Variants in VHL observed in about 807,000 individuals in gnomAD.
VHL encodes the protein von Hippel-Lindau disease tumor suppressor.
Under a neutral mutation model 19.2 loss-of-function variants are expected in VHL, and 10 were observed. That is an observed-to-expected ratio of 0.52 (90% confidence interval 0.32 to 0.89). The LOEUF (loss-of-function observed/expected upper bound fraction) is 0.89. VHL is among the 40% of genes least tolerant of loss of function. VHL has a pLI of 0.03. For synonymous variants in VHL, 167 were observed against 129.5 expected (o/e 1.29, Z -1.97); for missense variants, 328 against 292.7 (o/e 1.12, Z -0.88).
In VHL at chr3:10,141,790, C is replaced by CGCGTCCGACCCGCGGATCCCGCG. The variant is rs1298211819; in HGVS notation, c.-50_-28dup. ...CGGGAGCGCGCACGCAGCTCCGCCC[C>CGCGTCCGACCCGCGGATCCCGCG]GCGTCCGACCCGCGGATCCCGCGGC... On this transcript the variant is annotated 5_prime_UTR_variant, in exon 1 of 3. Transcript: ENST00000256474. The CGCGTCCGACCCGCGGATCCCGCG allele has an allele frequency of 3.3e-6, 5 of 1,528,032 alleles. No individual in the cohort carries two copies. Among genetic ancestry groups the CGCGTCCGACCCGCGGATCCCGCG allele is most frequent in the East Asian group, 4.9e-5 (2 of 40,496 alleles). 94.7% of individuals were successfully genotyped at this position (1,528,032 alleles called of 1,614,324 possible).
chr3:10,146,166 T>C (rs1696249497), intron 1 of VHL, among the ~76,000 whole-genome samples: 2 of 149,402 alleles, frequency 1.3e-5, no homozygotes, highest in East Asian at 2.0e-4. Context: ...CTCAGACCAG[T>C]CTGGCTCTTT....
Position 10,150,494 on chromosome 3 carries a change from A to G in VHL, c.*529A>G, listed in dbSNP as rs559209488. ...CAGTCAGGGTTTGTCAGAGGAACAA[A>G]CCAGGGGACACTTTGTTAGAAAGTG... On this transcript the variant is annotated 3_prime_UTR_variant, in exon 3 of 3. Coordinates refer to ENST00000256474, the MANE Select transcript of VHL (RefSeq NM_000551.4). 13 of 450,004 alleles carry G rather than the reference A, an allele frequency of 2.9e-5. No homozygotes were observed. Among genetic ancestry groups the G allele is most frequent in the African/African-American group, 2.4e-4 (12 of 49,498 alleles). The allele number at this position is 450,004 out of a possible 1,614,324, so 27.9% of individuals were successfully genotyped here. A position where few individuals can be genotyped will look rare whatever the true frequency, so the allele number is the denominator to read the frequency against.
intron 1 of VHL, among the ~76,000 whole-genome samples, chr3:10,145,886 T>G (rs910729762): frequency 6.6e-6 from 1 of 152,088 alleles, no homozygotes; most frequent in African/African-American, 2.4e-5. Flanking sequence ...TTGCTGTGAT[T>G]TGTAATCACG....
At position 10,152,527 on chromosome 3, in the gene VHL, C is replaced by T. The variant is rs747406421; in HGVS notation, c.*2562C>T. On this transcript the variant is annotated 3_prime_UTR_variant, in exon 3 of 3. Transcript: ENST00000256474. ...TTTTTTTTTGAGATGGAGTCTCACTCTGTTGCCCAGGCTGGAGTGCAGTGG... is the reference window on the plus strand; with the variant it reads ...TTTTTTTTTGAGATGGAGTCTCACTTTGTTGCCCAGGCTGGAGTGCAGTGG... Among the ~76,000 whole-genome samples the T allele has an allele frequency of 4.3e-3, 487 of 113,744 alleles. 5 individuals carry two copies. Among genetic ancestry groups the T allele is most frequent in the Middle Eastern group, 0.028 (4 of 142 alleles). The allele number at this position is 113,744 out of a possible 152,430, so 74.6% of individuals were successfully genotyped here.
intron 1 of VHL, among the ~76,000 whole-genome samples, chr3:10,144,496 C>CTTTT (rs34512214): frequency 1.1e-4 from 13 of 116,654 alleles, no homozygotes; most frequent in African/African-American, 4.5e-4. Flanking sequence ...TCTATCTTGT[C>CTTTT]TTTTTTTTTT....
At chr3:10,144,024 C>G (rs1369755741) in intron 1 of VHL, among the ~76,000 whole-genome samples, 2 of 152,160 alleles carry the variant, frequency 1.3e-5, no homozygotes, top group African/African-American at 4.8e-5. Flanking sequence ...GGGTGGTGTA[C>G]TTAATACACT....
At chr3:10,145,963 A>G (rs1696244968) in intron 1 of VHL, among the ~76,000 whole-genome samples, 1 of 150,968 alleles carries the variant, frequency 6.6e-6, no homozygotes, top group Admixed American at 6.7e-5. Context: ...AGCTTTAAGT[A>G]CGCGCTCTTT....
In VHL at chr3:10,144,569, G is replaced by A. The variant is rs192581857; in HGVS notation, c.341-1945G>A. On this transcript the variant is annotated intron_variant, in intron 1 of 2. Transcript: ENST00000256474. ...TGGAGTGTGGAGGCTGGAGTTTGGT[G>A]GCATGATCACGGCTCATTGCACCCT... Among the ~76,000 whole-genome samples the A allele has an allele frequency of 7.5e-5, 11 of 146,334 alleles. 1 individual carries two copies. The East Asian group carries it at 1.0e-3, about 13-fold the overall frequency.
Position 10,150,602 on chromosome 3 carries a change from A to G in VHL, c.*637A>G. The G allele has an allele frequency of 4.2e-6, 1 of 235,910 alleles. No individual in the cohort carries two copies. Among genetic ancestry groups the G allele is most frequent in the Non-Finnish European group, 8.3e-6 (1 of 119,874 alleles). The allele number at this position is 235,910 out of a possible 1,614,324, so 14.6% of individuals were successfully genotyped here. A position where few individuals can be genotyped will look rare whatever the true frequency, so the allele number is the denominator to read the frequency against. On this transcript the variant is annotated 3_prime_UTR_variant, in exon 3 of 3. Coordinates refer to ENST00000256474, the MANE Select transcript of VHL (RefSeq NM_000551.4). Reference sequence around the variant, plus strand: ...TACAGTGAACAAATGTCTTAAAGGGAATCATTTTTGTAGGAAGCATTTTTT... The same window carrying G: ...TACAGTGAACAAATGTCTTAAAGGGGATCATTTTTGTAGGAAGCATTTTTT...
In VHL at chr3:10,142,192, G is replaced by C. The variant is rs61758376; in HGVS notation, c.340+5G>C. The C allele has an allele frequency of 4.5e-3, 7,257 of 1,596,998 alleles. 206 individuals are homozygous for C. The South Asian group carries it at 0.05, about 11-fold the overall frequency. On this transcript the variant is annotated splice_donor_5th_base_variant and intron_variant, in intron 1 of 2. Transcript: ENST00000256474. ...GCCGCATCCACAGCTACCGAGGTAC[G>C]GGCCCGGCGCTTAGGCCCGACCCAG...
In VHL at chr3:10,150,069, C is replaced by T. The variant is rs1276831357; in HGVS notation, c.*104C>T. The T allele has an allele frequency of 6.5e-7, 1 of 1,546,616 alleles. No individual in the cohort carries two copies. The highest frequency in any genetic ancestry group is 1.2e-5 in the South Asian group (1 of 83,360). On this transcript the variant is annotated 3_prime_UTR_variant, in exon 3 of 3. Transcript: ENST00000256474. ...TTCCTTCCTTAGTTTCAAAGTGTCT[C>T]ATTCTCAGAGTAAAATAGGCACCAT... is the stretch of plus-strand genomic sequence containing the variant.
rs1171907591 is a variant in VHL, at chr3:10,153,316, C to G, written c.*3351C>G. On this transcript the variant is annotated 3_prime_UTR_variant, in exon 3 of 3. Transcript: ENST00000256474. Reference sequence around the variant, plus strand: ...AAAAACAAAAATTATCCAGGTGTGGCGGTGGGCGCCTGTGAGGCAGGCGAA... The same window carrying G: ...AAAAACAAAAATTATCCAGGTGTGGGGGTGGGCGCCTGTGAGGCAGGCGAA... Among the ~76,000 whole-genome samples the G allele has an allele frequency of 6.6e-6, 1 of 151,472 alleles. No homozygotes were observed. The highest frequency in any genetic ancestry group is 2.4e-5 in the African/African-American group (1 of 41,200).
In VHL at chr3:10,146,417, G is replaced by A. The variant is rs542866871; in HGVS notation, c.341-97G>A. The stretch of plus-strand genomic sequence containing the variant: ...TCTTGATCTCCTGACCTCATGATCC[G>A]CCTGCCTCGGCCTCCCAAAGTGCTG... On this transcript the variant is annotated intron_variant, in intron 1 of 2. Coordinates refer to ENST00000256474, the MANE Select transcript of VHL (RefSeq NM_000551.4). 2.6e-6 allele frequency: 4 copies of A among 1,527,516 alleles called. No homozygotes were observed. In the South Asian group the frequency reaches 3.4e-5, roughly 13 times the overall value. The allele number at this position is 1,527,516 out of a possible 1,614,324, so 94.6% of individuals were successfully genotyped here.
Position 10,151,922 on chromosome 3 carries a change from A to G in VHL, c.*1957A>G, listed in dbSNP as rs964125414. 8 of 177,954 alleles carry G rather than the reference A, an allele frequency of 4.5e-5. No homozygotes were observed. The highest frequency in any genetic ancestry group is 1.6e-4 in the African/African-American group (6 of 37,488). 11.0% of individuals were successfully genotyped at this position (177,954 alleles called of 1,614,324 possible). On this transcript the variant is annotated 3_prime_UTR_variant, in exon 3 of 3. Transcript: ENST00000256474. ...ATACAAAAAATTTTTAAAAATTAGC[A>G]TGGCGGCACACATCTGTAATCCTAG...
At chr3:10,142,710 C>A in intron 1 of VHL, 1 of 162,636 alleles carries the variant, frequency 6.1e-6, no homozygotes, top group Admixed American at 5.9e-5. Context: ...CCCCACCCCA[C>A]GTGTATTTTC....
rs995077398 is a variant in VHL at position 10,152,908 on chromosome 3, C to G, written c.*2943C>G. On this transcript the variant is annotated 3_prime_UTR_variant, in exon 3 of 3. Transcript: ENST00000256474. ...CTGTAATCCCAGCATTTTGGGAGACCAAGGCGGATGGATCACCTGAGGTCA... is the reference window on the plus strand; with the variant it reads ...CTGTAATCCCAGCATTTTGGGAGACGAAGGCGGATGGATCACCTGAGGTCA... 3.9e-5 allele frequency among the ~76,000 whole-genome samples: 6 copies of G among 152,048 alleles called. No homozygotes were observed. The highest frequency in any genetic ancestry group is 2.6e-4 in the Admixed American group (4 of 15,238).
At position 10,143,464 on chromosome 3, in the gene VHL, T is replaced by A. The variant is rs550134133; in HGVS notation, c.340+1277T>A. 2.0e-4 allele frequency among the ~76,000 whole-genome samples: 31 copies of A among 152,128 alleles called. No homozygotes were observed. The South Asian group carries it at 6.4e-3, about 32-fold the overall frequency. ...TTTTCAGTATTTATGTATATATATT[T>A]TTGAGTTGGAGTCTGGATCTGTCGC... On this transcript the variant is annotated intron_variant, in intron 1 of 2. Coordinates refer to ENST00000256474, the MANE Select transcript of VHL (RefSeq NM_000551.4).
In VHL at chr3:10,152,730, T is replaced by A. The variant is rs1463451036; in HGVS notation, c.*2765T>A. ...TGGTCTTGATCTCCTGACCTTGTGATCCACCCACCTCAGCCTCCCAAAGTG... is the reference window on the plus strand; with the variant it reads ...TGGTCTTGATCTCCTGACCTTGTGAACCACCCACCTCAGCCTCCCAAAGTG... On this transcript the variant is annotated 3_prime_UTR_variant, in exon 3 of 3. Coordinates refer to ENST00000256474, the MANE Select transcript of VHL (RefSeq NM_000551.4). Among the ~76,000 whole-genome samples the A allele has an allele frequency of 6.6e-6, 1 of 151,582 alleles. No homozygotes were observed. The highest frequency in any genetic ancestry group is 2.0e-4 in the East Asian group (1 of 4,982).
chr3:10,147,606 C>T lies in VHL; in HGVS notation c.463+970C>T, dbSNP rs540489486. On this transcript the variant is annotated intron_variant, in intron 2 of 2. Transcript: ENST00000256474. ...TCTTGAACTCCTGACCTCAGGTGATCTGCCCACCTCAGCCTCCCAAAGTGC... is the reference window on the plus strand; with the variant it reads ...TCTTGAACTCCTGACCTCAGGTGATTTGCCCACCTCAGCCTCCCAAAGTGC... Among the ~76,000 whole-genome samples the T allele has an allele frequency of 2.0e-5, 3 of 151,450 alleles. No individual in the cohort carries two copies. The South Asian group carries it at 6.3e-4, about 32-fold the overall frequency.
Sources: gnomAD v4.1 joint callset for allele counts (sites outside exome capture counted in the v4.1 genomes callset) on GRCh38, gnomAD v4.1.1 for gene constraint, MANE v1.5 for transcripts, NCBI Gene and HGNC (gene_info 2026-07-23, HGNC 2026-07-21) for gene names.